CFAP299: variants seen among roughly 807,000 people sequenced by gnomAD.
The protein encoded by CFAP299 is cilia- and flagella-associated protein 299.
A neutral mutation model predicts 27.0 loss-of-function variants in CFAP299; 21 were observed. The ratio of observed to expected loss-of-function variants is 0.78; its 90% CI spans 0.55 to 1.12. CFAP299 has a LOEUF of 1.12. Among genes scored for constraint, CFAP299 ranks in the 50% most tolerant of loss-of-function variants. CFAP299 has a pLI of 0.00. For missense variants in CFAP299, 310 were observed against 276.6 expected, an observed-to-expected ratio of 1.12 and a Z score of -0.86; for synonymous variants, 104 against 98.1, an observed-to-expected ratio of 1.06 and a Z score of -0.36.
intron 4 of CFAP299, among the ~76,000 whole-genome samples, chr4:80,915,095 T>A (rs1035642548): frequency 2.0e-5 from 3 of 152,032 alleles, no homozygotes; most frequent in African/African-American, 7.2e-5. Flanking sequence ...ATTCTAAAAT[T>A]TGTTATATAT....
intron 2 of CFAP299, among the ~76,000 whole-genome samples, chr4:80,582,112 T>C (rs1457529364): frequency 1.3e-5 from 2 of 151,904 alleles, no homozygotes; most frequent in Non-Finnish European, 2.9e-5. Flanking sequence ...CCTTTGTATT[T>C]ACTGATAACT....
chr4:80,701,212 G>A (rs967122607), intron 3 of CFAP299, among the ~76,000 whole-genome samples: 4 of 151,988 alleles, frequency 2.6e-5, no homozygotes, highest in Non-Finnish European at 5.9e-5. Context: ...AATAGTTGAG[G>A]ATATGGTTTA....
intron 2 of CFAP299, among the ~76,000 whole-genome samples, chr4:80,450,554 A>T (rs1437635338): frequency 6.6e-6 from 1 of 152,112 alleles, no homozygotes; most frequent in Non-Finnish European, 1.5e-5. Context: ...GAAATATTAA[A>T]AATACTAAAT....
At chr4:80,806,526 A>C (rs1315997304) in intron 3 of CFAP299, among the ~76,000 whole-genome samples, 1 of 152,216 alleles carries the variant, frequency 6.6e-6, no homozygotes, top group Non-Finnish European at 1.5e-5. Context: ...TATTCTAGAG[A>C]TAAATCACTA....
intron 2 of CFAP299, among the ~76,000 whole-genome samples, chr4:80,465,626 C>A (rs781201296): frequency 6.6e-6 from 1 of 152,284 alleles, no homozygotes; most frequent in Middle Eastern, 3.4e-3. Context: ...AAAATAGGTC[C>A]TTGGCCTCCC....
intron 3 of CFAP299, among the ~76,000 whole-genome samples, chr4:80,634,329 C>G (rs531482905): frequency 6.6e-6 from 1 of 152,148 alleles, no homozygotes; most frequent in Admixed American, 6.5e-5. Context: ...AATGTATGTG[C>G]CAGAGCCACA....
intron 3 of CFAP299, among the ~76,000 whole-genome samples, chr4:80,844,453 G>A (rs1731050322): frequency 6.6e-6 from 1 of 152,230 alleles, no homozygotes; most frequent in East Asian, 1.9e-4. Context: ...ATTCTAACTG[G>A]TGTGAGATGG....
At chr4:80,891,747 C>A (rs1734290003) in intron 4 of CFAP299, among the ~76,000 whole-genome samples, 1 of 72,102 alleles carries the variant, frequency 1.4e-5, no homozygotes, top group African/African-American at 6.2e-5. Context: ...CACATGTACC[C>A]TAAAACTTAG....
chr4:80,514,544 C>A (rs1466125740), intron 2 of CFAP299, among the ~76,000 whole-genome samples: 1 of 151,998 alleles, frequency 6.6e-6, no homozygotes, highest in Non-Finnish European at 1.5e-5. Context: ...AGATGACTGG[C>A]AAGCCCTTAC....
chr4:80,401,608 G>A (rs147318313), intron 2 of CFAP299, among the ~76,000 whole-genome samples: 1,949 of 152,300 alleles, frequency 0.013, 23 homozygotes, highest in Middle Eastern at 0.027. Flanking sequence ...GAATGCCCAG[G>A]CAAAAGTTTG....
chr4:80,544,393 C>T (rs1211779819), intron 2 of CFAP299, among the ~76,000 whole-genome samples: 5 of 152,040 alleles, frequency 3.3e-5, no homozygotes, highest in Non-Finnish European at 7.4e-5. Context: ...ACAAACAGGC[C>T]AAATGCCCCA....
intron 3 of CFAP299, among the ~76,000 whole-genome samples, chr4:80,858,959 T>G (rs1395396019): frequency 5.9e-5 from 9 of 152,306 alleles, no homozygotes; most frequent in Middle Eastern, 3.4e-3. Flanking sequence ...AATTCCTGGG[T>G]ATCCTTGTTG....
intron 2 of CFAP299, among the ~76,000 whole-genome samples, chr4:80,390,937 A>G (rs868228768): frequency 2.0e-5 from 1 of 49,712 alleles, no homozygotes. Context: ...ATATATGTAT[A>G]TATGTATGTA....
chr4:80,731,069 A>G (rs914079520), intron 3 of CFAP299, among the ~76,000 whole-genome samples: 1 of 152,204 alleles, frequency 6.6e-6, no homozygotes, highest in African/African-American at 2.4e-5. Flanking sequence ...CACAAACATG[A>G]TATCTAATGC....
intron 2 of CFAP299, among the ~76,000 whole-genome samples, chr4:80,522,924 G>A (rs13112051): frequency 0.11 from 16,476 of 152,040 alleles, 1,025 homozygotes; most frequent in Middle Eastern, 0.21. Context: ...TTAAAGCCAT[G>A]AAGTATGATA....
At chr4:80,858,094 T>G (rs944850075) in intron 3 of CFAP299, among the ~76,000 whole-genome samples, 9 of 152,218 alleles carry the variant, frequency 5.9e-5, no homozygotes, top group Non-Finnish European at 8.8e-5. Context: ...CTCCTGTTAT[T>G]GGTCTATTCA....
chr4:80,474,295 T>C (rs948288618), intron 2 of CFAP299, among the ~76,000 whole-genome samples: 1 of 152,174 alleles, frequency 6.6e-6, no homozygotes, highest in South Asian at 2.1e-4. Context: ...ATAAAGTAAT[T>C]TATAATTGGA....
chr4:80,641,079 G>A (rs1298490419), intron 3 of CFAP299, among the ~76,000 whole-genome samples: 1 of 152,086 alleles, frequency 6.6e-6, no homozygotes, highest in African/African-American at 2.4e-5. Context: ...GCAATACTTT[G>A]TTGCATCATC....
chr4:80,429,285 T>C lies in CFAP299; in HGVS notation c.242+66401T>C, dbSNP rs112644531. 3.2e-3 allele frequency among the ~76,000 whole-genome samples: 485 copies of C among 152,290 alleles called. 1 individual carries two copies. Among genetic ancestry groups the C allele is most frequent in the South Asian group, 0.028 (133 of 4,820 alleles). On this transcript the variant is annotated intron_variant, in intron 2 of 5. Transcript: ENST00000358105. ...AGGGCACATTTAATTGAAAGAATCA[T>C]GTAGTCTTTTGCCTATAAATTGGAG...
Sources: gnomAD v4.1 joint callset for allele counts (sites outside exome capture counted in the v4.1 genomes callset) on GRCh38, gnomAD v4.1.1 for gene constraint, MANE v1.5 for transcripts, NCBI Gene and HGNC (gene_info 2026-07-23, HGNC 2026-07-21) for gene names.